Variants in ALDH1A2 observed in about 807,000 individuals in gnomAD.
ALDH1A2 encodes the protein aldehyde dehydrogenase 1 family member A2, also known as retinal dehydrogenase 2.
In ALDH1A2, 27 loss-of-function variants were observed where a neutral mutation model predicts 60.3. The ratio of observed to expected loss-of-function variants is 0.45; its 90% confidence interval spans 0.33 to 0.62. The LOEUF is 0.62. Ranked by LOEUF, ALDH1A2 falls within the 20% of genes least tolerant of loss-of-function variation. The pLI, the probability that ALDH1A2 is intolerant of heterozygous loss-of-function variation, is 0.02. For missense variants in ALDH1A2, 581 were observed against 643.8 expected (o/e 0.90, Z 1.06); for synonymous variants, 289 against 232.4 (o/e 1.24, Z -2.21).
At chr15:57,993,180 T>C (rs1894951685) in intron 5 of ALDH1A2, 107 bp from the exon 6 acceptor site, 4 of 1,353,692 alleles carry the variant, frequency 3.0e-6, no homozygotes, top group Middle Eastern at 5.0e-4. Context: ...GACATAAATC[T>C]TGTCCACTAC....
chr15:57,978,251 G>C (rs905972222), intron 7 of ALDH1A2, among the ~76,000 whole-genome samples: 2 of 152,182 alleles, frequency 1.3e-5, no homozygotes, highest in African/African-American at 4.8e-5. Flanking sequence ...TGGTGAGAGA[G>C]GGCATCCTTT....
chr15:57,974,016 G>A (rs575190164), intron 7 of ALDH1A2, among the ~76,000 whole-genome samples: 89 of 152,158 alleles, frequency 5.8e-4, no homozygotes, highest in African/African-American at 2.0e-3. Context: ...GATTGCATAG[G>A]TAGTTGTTAA....
At chr15:58,006,267 T>A (rs1333594285) in intron 4 of ALDH1A2, among the ~76,000 whole-genome samples, 1 of 151,962 alleles carries the variant, frequency 6.6e-6, no homozygotes, top group Non-Finnish European at 1.5e-5. Flanking sequence ...TATAAGATAT[T>A]TGGTTTTCCA....
chr15:57,964,802 A>C (rs1169055095), intron 8 of ALDH1A2: 1 of 152,308 alleles, frequency 6.6e-6, no homozygotes, highest in East Asian at 1.9e-4. Context: ...CTGACTGAAT[A>C]AATGAATCAG....
At chr15:58,037,981 G>C (rs1449558547) in intron 1 of ALDH1A2, among the ~76,000 whole-genome samples, 1 of 151,536 alleles carries the variant, frequency 6.6e-6, no homozygotes, top group African/African-American at 2.4e-5. Flanking sequence ...GCTAACATCT[G>C]TTAAACTCAG....
chr15:57,969,224 G>C (rs1463097366), intron 7 of ALDH1A2, among the ~76,000 whole-genome samples: 1 of 152,126 alleles, frequency 6.6e-6, no homozygotes, highest in Non-Finnish European at 1.5e-5. Context: ...GTACACTGTT[G>C]GGCATAGTCC....
chr15:58,023,768 C>G (rs1367125792), intron 1 of ALDH1A2, among the ~76,000 whole-genome samples: 1 of 151,924 alleles, frequency 6.6e-6, no homozygotes, highest in African/African-American at 2.4e-5. Flanking sequence ...TGAAGGAATT[C>G]ATTACCACTA....
At position 58,065,635 on chromosome 15, in the gene ALDH1A2, T is replaced by G. The variant is rs1045263673; in HGVS notation, c.16A>C (p.Ile6Leu). 1 of 1,601,932 alleles carries G rather than the reference T, an allele frequency of 6.2e-7. No individual in the cohort carries two copies. The change falls in exon 1 of 13, where the codon ATA becomes CTA. Residue 6 changes from isoleucine (I) to leucine (L), a missense_variant. This residue lies in a region of ALDH1A2 where 206 missense variants were observed against 174.1 expected (regional missense o/e 1.18). Transcript: ENST00000249750. ...GCCTTCACCTCGCCGGGCATCTCTA[T>G]CTTGCTGGAAGTCATGGTGGCGGGC... MTSSK[I>L]EMPGEVKADP...
At chr15:58,040,253 T>C (rs1462448890) in intron 1 of ALDH1A2, among the ~76,000 whole-genome samples, 1 of 151,898 alleles carries the variant, frequency 6.6e-6, no homozygotes, top group African/African-American at 2.4e-5. Flanking sequence ...GCTCTCTGAA[T>C]CCACAGCTGA....
At chr15:58,011,375 A>G (rs549815586) in intron 3 of ALDH1A2, among the ~76,000 whole-genome samples, 26 of 152,206 alleles carry the variant, frequency 1.7e-4, no homozygotes, top group Non-Finnish European at 3.1e-4. Context: ...TAAGAGTGAA[A>G]TATCTGCTCC....
Position 57,954,973 on chromosome 15 carries a change from C to T in ALDH1A2, c.*224G>A, listed in dbSNP as rs1307173366. On this transcript the variant is annotated 3_prime_UTR_variant, in exon 13 of 13. Transcript: ENST00000249750. ...CCTCCTCCTCCCTTTATCCCACTTT[C>T]CCCAATATTTGGTATGATTAAGGTG... is the stretch of plus-strand genomic sequence containing the variant. 3.3e-6 allele frequency: 2 copies of T among 602,146 alleles called. No homozygotes were observed. The highest frequency in any genetic ancestry group is 5.9e-6 in the Non-Finnish European group (2 of 336,462). The allele number at this position is 602,146 out of a possible 1,614,324, so 37.3% of individuals were successfully genotyped here. A position where few individuals can be genotyped will look rare whatever the true frequency, so the allele number is the denominator to read the frequency against.
chr15:58,017,898 A>T (rs561707606), intron 1 of ALDH1A2, among the ~76,000 whole-genome samples: 1 of 152,276 alleles, frequency 6.6e-6, no homozygotes, highest in African/African-American at 2.4e-5. Context: ...TAAAATTTTA[A>T]TTTTACTACA....
At chr15:58,003,705 G>A (rs2140505262) in intron 4 of ALDH1A2, among the ~76,000 whole-genome samples, 1 of 151,988 alleles carries the variant, frequency 6.6e-6, no homozygotes, top group South Asian at 2.1e-4. Context: ...CAAAGAGGTT[G>A]TAGACGTGAG....
chr15:58,028,747 C>CA (rs1420416875), intron 1 of ALDH1A2, among the ~76,000 whole-genome samples: 3 of 152,028 alleles, frequency 2.0e-5, no homozygotes, highest in African/African-American at 7.2e-5. Context: ...GCAGGGGTTG[C>CA]AATCCCAGTC....
At chr15:57,987,005 G>T (rs1023160188) in intron 7 of ALDH1A2, among the ~76,000 whole-genome samples, 2 of 152,124 alleles carry the variant, frequency 1.3e-5, no homozygotes, top group South Asian at 4.1e-4. Flanking sequence ...AGGAATAAAG[G>T]GGTGTAGCGA....
At chr15:58,023,712 T>C (rs1895996719) in intron 1 of ALDH1A2, among the ~76,000 whole-genome samples, 1 of 149,112 alleles carries the variant, frequency 6.7e-6, no homozygotes, top group Admixed American at 6.7e-5. Context: ...AAAATTATCC[T>C]TCACAAATGA....
chr15:58,042,952 A>T (rs549756190), intron 1 of ALDH1A2, among the ~76,000 whole-genome samples: 94 of 152,012 alleles, frequency 6.2e-4, no homozygotes, highest in Non-Finnish European at 9.3e-4. Context: ...ATAGTTTGTT[A>T]TTTAAACTGA....
intron 12 of ALDH1A2, among the ~76,000 whole-genome samples, chr15:57,957,147 G>C (rs1893554879): frequency 6.6e-6 from 1 of 152,182 alleles, no homozygotes; most frequent in Non-Finnish European, 1.5e-5. Flanking sequence ...AGGAGATAAA[G>C]AGCACTGAAG....
chr15:57,970,510 G>C (rs1322277141), intron 7 of ALDH1A2, among the ~76,000 whole-genome samples: 2 of 152,300 alleles, frequency 1.3e-5, no homozygotes, highest in South Asian at 4.1e-4. Context: ...GGCAATGTAG[G>C]GGAAAGCAAT....
Sources: gnomAD v4.1 joint callset for allele counts (sites outside exome capture counted in the v4.1 genomes callset) on GRCh38, gnomAD v4.1.1 for gene constraint, gnomAD v4.1.1 regional missense constraint, MANE v1.5 for transcripts, NCBI Gene and HGNC (gene_info 2026-07-23, HGNC 2026-07-21) for gene names.